The following ALMS1 variants were observed in gnomAD, a reference collection of about 807,000 sequenced individuals.
The protein encoded by ALMS1 is centrosome-associated protein ALMS1.
In ALMS1, 271 loss-of-function variants were observed where a neutral mutation model predicts 352.2. The ratio of observed to expected loss-of-function variants is 0.77; its 90% CI spans 0.70 to 0.85. The LOEUF (loss-of-function observed/expected upper bound fraction) is 0.85, where lower values mean the gene tolerates loss of function less well. ALMS1 is among the 40% of genes least tolerant of loss of function. The pLI is 0.00. For missense variants in ALMS1, 5,445 were observed against 4,870.7 expected (o/e 1.12, Z -3.51); for synonymous variants, 1,865 against 1,761.2 (o/e 1.06, Z -1.48).
chr2:73,522,224 A>T lies in ALMS1; in HGVS notation c.9781+2208A>T, dbSNP rs573498394. On this transcript the variant is annotated intron_variant, in intron 11 of 22. Transcript: ENST00000613296. ...GTCATTTCTGCTCTGGGTCCATTGT[A>T]ATTTTGTCCAATCGTTGCTGTTAAT... is the stretch of plus-strand genomic sequence containing the variant. 2.0e-5 allele frequency among the ~76,000 whole-genome samples: 3 copies of T among 152,214 alleles called. No homozygotes were observed. In the East Asian group the frequency reaches 5.8e-4, roughly 29 times the overall value.
intron 13 of ALMS1, among the ~76,000 whole-genome samples, chr2:73,554,936 A>G (rs1674513990): frequency 6.6e-6 from 1 of 152,218 alleles, no homozygotes; most frequent in South Asian, 2.1e-4. Context: ...AAGATAAACA[A>G]TACGGTACTT....
intron 11 of ALMS1, among the ~76,000 whole-genome samples, chr2:73,529,952 G>A (rs1036390776): frequency 6.6e-6 from 1 of 152,072 alleles, no homozygotes; most frequent in African/African-American, 2.4e-5. Context: ...AACAGCATGA[G>A]AGAAACTGCC....
Position 73,477,846 on chromosome 2 carries a change from T to C in ALMS1, c.7675-11788T>C, listed in dbSNP as rs577791440. 5.3e-5 allele frequency among the ~76,000 whole-genome samples: 8 copies of C among 152,308 alleles called. No individual in the cohort carries two copies. The East Asian group carries it at 1.4e-3, about 26-fold the overall frequency. ...GCATCCTGCAGCTTTGCTGAACTTA[T>C]TAGTCTTAATTGGTTTGTCCTGGTT... On this transcript the variant is annotated intron_variant, in intron 9 of 22. Transcript: ENST00000613296.
At chr2:73,447,586 C>T (rs753588453) in intron 7 of ALMS1, among the ~76,000 whole-genome samples, 13 of 152,070 alleles carry the variant, frequency 8.5e-5, no homozygotes, top group Non-Finnish European at 1.8e-4. Context: ...TGACTGAAGA[C>T]CTTATGTCTT....
chr2:73,508,110 TTTCTC>T (rs1409368390), intron 10 of ALMS1, among the ~76,000 whole-genome samples: 1 of 151,420 alleles, frequency 6.6e-6, no homozygotes, highest in East Asian at 1.9e-4. Flanking sequence ...TCTCTTTTCT[TTTCTC>T]TTTTCTTTTC....
At position 73,454,019 on chromosome 2, in the gene ALMS1, GAA is replaced by G; in HGVS notation, c.7494_7495del (p.Glu2498AspfsTer26). The G allele has an allele frequency of 6.2e-7, 1 of 1,613,320 alleles. No homozygotes were observed. Among genetic ancestry groups the G allele is most frequent in the Non-Finnish European group, 8.5e-7 (1 of 1,179,674 alleles). ...QCESSLNHAK[E>X]ILRNAEEEES... ...TGAATCCTCACTGAATCATGCTAAA[GAA>G]ATACTCAGAAATGCAGAGGAAGAGG... On this transcript the variant is annotated frameshift_variant, in exon 8 of 23. Coordinates refer to ENST00000613296, the MANE Select transcript of ALMS1 (RefSeq NM_001378454.1). LOFTEE classifies it high-confidence loss of function.
intron 15 of ALMS1, among the ~76,000 whole-genome samples, chr2:73,564,056 C>G (rs565829501): frequency 1.7e-3 from 250 of 151,128 alleles, no homozygotes; most frequent in Non-Finnish European, 2.8e-3. Flanking sequence ...GTGTGTGTGT[C>G]TGTGTGTGTG....
chr2:73,473,592 C>T (rs1427650418), intron 9 of ALMS1, among the ~76,000 whole-genome samples: 1 of 151,928 alleles, frequency 6.6e-6, no homozygotes, highest in Non-Finnish European at 1.5e-5. Context: ...AGGAAGCCCA[C>T]CTTAAATGTA....
intron 2 of ALMS1, 117 bp downstream of exon 2, chr2:73,408,864 C>CTTTTTTT: frequency 5.3e-6 from 1 of 187,548 alleles, no homozygotes; most frequent in South Asian, 4.9e-5. Context: ...GTTTTCTTGT[C>CTTTTTTT]TTTTTTTTTT....
chr2:73,385,878 G>C lies in ALMS1; in HGVS notation c.10G>C (p.Glu4Gln). 1.3e-6 allele frequency: 1 copy of C among 775,692 alleles called. No homozygotes were observed. The highest frequency in any genetic ancestry group is 2.2e-6 in the Non-Finnish European group (1 of 450,558). The allele number at this position is 775,692 out of a possible 1,614,324, so 48.1% of individuals were successfully genotyped here. A position where few individuals can be genotyped will look rare whatever the true frequency, so the allele number is the denominator to read the frequency against. Residue 4 changes from glutamate to glutamine, a missense_variant, in exon 1 of 23, where the codon GAG (glutamate) becomes CAG (glutamine). Transcript: ENST00000613296. ...AGAGCGAGACACCAACATGGAGCCC[G>C]AGGATCTGCCATGGCCGGGCGAGCT... MEP[E>Q]DLPWPGELEE...
intron 10 of ALMS1, among the ~76,000 whole-genome samples, chr2:73,516,827 C>T (rs1004800199): frequency 6.6e-6 from 1 of 152,192 alleles, no homozygotes; most frequent in Admixed American, 6.5e-5. Context: ...GACTGAGAGT[C>T]TAGTGAGTCT....
chr2:73,490,086 A>G lies in ALMS1; in HGVS notation c.8127A>G (p.Lys2709=), dbSNP rs766713925. The G allele has an allele frequency of 6.2e-7, 1 of 1,614,182 alleles. No homozygotes were observed. The highest frequency in any genetic ancestry group is 8.5e-7 in the Non-Finnish European group (1 of 1,180,036). Reference sequence around the variant, plus strand: ...AAATGCCGTCCCCAGAACCCATGAAAAAGTTTACTACCTCCATCACTTTTT... The same window carrying G: ...AAATGCCGTCCCCAGAACCCATGAAGAAGTTTACTACCTCCATCACTTTTT... ...SSQMPSPEPM[K]KFTTSITFSS... is the part of the protein sequence containing the mutation. The change falls in exon 10 of 23, where the codon AAA becomes AAG. Residue 2709 remains lysine (K), a synonymous_variant. Transcript: ENST00000613296.
chr2:73,390,274 C>T (rs993202966), intron 1 of ALMS1, among the ~76,000 whole-genome samples: 1 of 152,056 alleles, frequency 6.6e-6, no homozygotes, highest in Non-Finnish European at 1.5e-5. Flanking sequence ...TAGTATGTTT[C>T]TTGCTAGAAA....
intron 11 of ALMS1, among the ~76,000 whole-genome samples, chr2:73,531,417 C>G (rs1673907117): frequency 6.6e-6 from 1 of 152,188 alleles, no homozygotes; most frequent in Non-Finnish European, 1.5e-5. Context: ...ATGCCAGTTC[C>G]CAACAAGTTT....
At chr2:73,445,067 G>A (rs947411439) in intron 7 of ALMS1, among the ~76,000 whole-genome samples, 2 of 151,886 alleles carry the variant, frequency 1.3e-5, no homozygotes, top group Non-Finnish European at 2.9e-5. Context: ...CACAATAGGT[G>A]CTTTTGCCAG....
intron 13 of ALMS1, among the ~76,000 whole-genome samples, chr2:73,551,778 A>G (rs943161539): frequency 1.3e-5 from 2 of 152,038 alleles, no homozygotes; most frequent in East Asian, 1.9e-4. Flanking sequence ...CACCCCTGCC[A>G]TTATACTTTT....
At chr2:73,520,959 T>G (rs1436098676) in intron 11 of ALMS1, among the ~76,000 whole-genome samples, 1 of 152,182 alleles carries the variant, frequency 6.6e-6, no homozygotes, top group Non-Finnish European at 1.5e-5. Context: ...CTACTCAAAG[T>G]ACATCTTAAG....
chr2:73,448,619 G>A lies in ALMS1; in HGVS notation c.2092G>A (p.Val698Met). The change falls in exon 8 of 23, where the codon GTG becomes ATG. Residue 698 changes from valine (V) to methionine (M), a missense_variant. Physicochemically the swap from Val to Met is conservative, Grantham distance 21 (BLOSUM62 1). Transcript: ENST00000613296. ...TGATCAGGCTCTGAAAGTCTCAGCTGTGTCTGGACCAGCTGACCAGAAGAC... is the reference window on the plus strand; with the variant it reads ...TGATCAGGCTCTGAAAGTCTCAGCTATGTCTGGACCAGCTGACCAGAAGAC... Reference protein sequence around the residue: ...LTDQALKVSAVSGPADQKTGT... With the variant: ...LTDQALKVSAMSGPADQKTGT... 6.2e-7 allele frequency: 1 copy of A among 1,613,234 alleles called. No homozygotes were observed. The highest frequency in any genetic ancestry group is 8.5e-7 in the Non-Finnish European group (1 of 1,179,742).
In ALMS1 at chr2:73,596,425, G is replaced by T. The variant is rs980844647; in HGVS notation, c.11548-2976G>T. On this transcript the variant is annotated intron_variant, in intron 16 of 22. Transcript: ENST00000613296. Reference sequence around the variant, plus strand: ...AACACTAATTGATCACATATGTAAGGCTTCATTTGGAATTTTCATTCTGTT... The same window carrying T: ...AACACTAATTGATCACATATGTAAGTCTTCATTTGGAATTTTCATTCTGTT... Among the ~76,000 whole-genome samples, 4 of 150,838 alleles carry T rather than the reference G, an allele frequency of 2.7e-5. No individual in the cohort carries two copies. In the South Asian group the frequency reaches 6.3e-4, roughly 24 times the overall value.
Sources: allele counts gnomAD v4.1 joint callset (sites outside exome capture counted in the v4.1 genomes callset), GRCh38; gene constraint gnomAD v4.1.1; transcripts MANE v1.5; gene names NCBI Gene and HGNC (gene_info 2026-07-23, HGNC 2026-07-21).